KIAA0319: variants seen among roughly 807,000 people sequenced by gnomAD.
The protein encoded by KIAA0319 is dyslexia-associated protein KIAA0319.
KIAA0319 carries 83 observed loss-of-function variants against 108.4 expected under a neutral mutation model. That is an observed-to-expected ratio of 0.77 (90% CI 0.64 to 0.92). The LOEUF is 0.92. Among genes scored for constraint, KIAA0319 ranks in the 40% least tolerant of loss-of-function variants. The probability of loss-of-function intolerance (pLI) is 0.00; values close to 1 mark genes in which losing one functional copy is unlikely to be tolerated. For missense variants in KIAA0319, 1,195 were observed against 1,322.4 expected (o/e 0.90, Z 1.49); for synonymous variants, 484 against 510.4 (o/e 0.95, Z 0.70).
At chr6:24,590,767 C>T (rs1332962726) in intron 3 of KIAA0319, among the ~76,000 whole-genome samples, 1 of 152,192 alleles carries the variant, frequency 6.6e-6, no homozygotes, top group Non-Finnish European at 1.5e-5. Context: ...TTCACTTTTC[C>T]ACCATGCTGC....
intron 2 of KIAA0319, 101 bp downstream of exon 2, chr6:24,600,948 A>G (rs1582163283): frequency 2.0e-6 from 3 of 1,483,666 alleles, no homozygotes; most frequent in East Asian, 2.3e-5. Flanking sequence ...TCTATTGAAA[A>G]GCAAACCAAC....
At chr6:24,635,454 A>T (rs996953320) in intron 1 of KIAA0319, among the ~76,000 whole-genome samples, 6 of 151,822 alleles carry the variant, frequency 4.0e-5, no homozygotes, top group East Asian at 1.9e-4. Flanking sequence ...TTTTTTTTTT[A>T]TTTCAGCATA....
chr6:24,551,440 T>C lies in KIAA0319; in HGVS notation c.3034A>G (p.Lys1012Glu). The change falls in exon 20 of 21, where the codon AAA becomes GAA. Residue 1012 changes from lysine to glutamate, a missense_variant. Transcript: ENST00000378214. ...DEQERMELRP[K>E]YGIKHRSTEH... Reference sequence around the variant, plus strand: ...ATTCTGCAGACTGTCTTACCATATTTGGGCCTCAGTTCCATTCTTTCCTGT... The same window carrying C: ...ATTCTGCAGACTGTCTTACCATATTCGGGCCTCAGTTCCATTCTTTCCTGT... The C allele has an allele frequency of 3.1e-6, 5 of 1,607,132 alleles. No individual in the cohort carries two copies. The highest frequency in any genetic ancestry group is 4.3e-6 in the Non-Finnish European group (5 of 1,173,490).
At chr6:24,597,290 T>C (rs1465006955) in intron 2 of KIAA0319, among the ~76,000 whole-genome samples, 1 of 152,218 alleles carries the variant, frequency 6.6e-6, no homozygotes, top group Non-Finnish European at 1.5e-5. Flanking sequence ...GCTATTTTAA[T>C]GGTGGATAAA....
Position 24,564,261 on chromosome 6 carries a change from C to T in KIAA0319, c.2372G>A (p.Arg791Gln), listed in dbSNP as rs1032784188. Residue 791 changes from arginine (R) to glutamine (Q), a missense_variant, in exon 15 of 21, where the codon CGA (arginine) becomes CAA (glutamine). By Grantham distance (43) the Arg-to-Gln change is conservative. Transcript: ENST00000378214. ...LVEGVYTFHL[R>Q]VTDSQGASDT... Reference sequence around the variant, plus strand: ...CGAGGCCCCCTGACTGTCGGTGACTCGCAAGTGGAAAGTGTACACCCCCTC... The same window carrying T: ...CGAGGCCCCCTGACTGTCGGTGACTTGCAAGTGGAAAGTGTACACCCCCTC... 2.5e-6 allele frequency: 4 copies of T among 1,614,072 alleles called. No individual in the cohort carries two copies. Among genetic ancestry groups the T allele is most frequent in the African/African-American group, 1.3e-5 (1 of 75,008 alleles).
At chr6:24,558,363 A>C (rs1460433570) in intron 17 of KIAA0319, among the ~76,000 whole-genome samples, 1 of 95,872 alleles carries the variant, frequency 1.0e-5, no homozygotes, top group Admixed American at 1.1e-4. Context: ...ATATATATAT[A>C]TCTAGATAGA....
intron 2 of KIAA0319, chr6:24,600,630 C>T (rs1770481150): frequency 1.3e-6 from 2 of 1,527,262 alleles, no homozygotes; most frequent in Non-Finnish European, 1.8e-6. Context: ...TGGGCTCGGC[C>T]AGCCCAGTCT....
chr6:24,637,335 G>T (rs62402860), intron 1 of KIAA0319, among the ~76,000 whole-genome samples: 4,162 of 152,288 alleles, frequency 0.027, 68 homozygotes, highest in Non-Finnish European at 0.039. Flanking sequence ...AGCTTCACCC[G>T]AGAGCTCTGC....
chr6:24,640,558 C>G (rs1325251672), intron 1 of KIAA0319, among the ~76,000 whole-genome samples: 1 of 152,118 alleles, frequency 6.6e-6, no homozygotes, highest in Non-Finnish European at 1.5e-5. Context: ...ATTAAGAGAT[C>G]TGCGCTTTAT....
At chr6:24,609,908 CT>C (rs999449276) in intron 1 of KIAA0319, among the ~76,000 whole-genome samples, 23 of 152,096 alleles carry the variant, frequency 1.5e-4, no homozygotes, top group Admixed American at 9.8e-4. Flanking sequence ...AATTTTACCC[CT>C]ACCACACAAC....
At position 24,599,493 on chromosome 6, in the gene KIAA0319, A is replaced by T. The variant is rs563065454; in HGVS notation, c.55+1556T>A. 1.8e-6 allele frequency: 1 copy of T among 564,462 alleles called. No homozygotes were observed. Among genetic ancestry groups the T allele is most frequent in the Non-Finnish European group, 3.4e-6 (1 of 294,230 alleles). 35.0% of individuals were successfully genotyped at this position (564,462 alleles called of 1,614,324 possible). On this transcript the variant is annotated intron_variant, in intron 2 of 20. Coordinates refer to ENST00000378214, the MANE Select transcript of KIAA0319 (RefSeq NM_014809.4). The surrounding 1 kb of genome is among the most constrained non-coding windows in gnomAD (Gnocchi z 4.1). The stretch of plus-strand genomic sequence containing the variant: ...TGAGTACCAGGAGCTGATGATCATC[A>T]AGCCAACCCTGGACATCGAGATTGT...
rs548136836 is a variant in KIAA0319, at chr6:24,641,708, G to C, written c.-106+4028C>G. On this transcript the variant is annotated intron_variant, in intron 1 of 20. Coordinates refer to ENST00000378214, the MANE Select transcript of KIAA0319 (RefSeq NM_014809.4). ...CTCTTAAGCAATACAAATATACTGAGAGAGATGGTAAAAACAGTTTTCTTG... is the reference window on the plus strand; with the variant it reads ...CTCTTAAGCAATACAAATATACTGACAGAGATGGTAAAAACAGTTTTCTTG... Among the ~76,000 whole-genome samples, 126 of 152,210 alleles carry C rather than the reference G, an allele frequency of 8.3e-4. No individual in the cohort carries two copies. The Middle Eastern group carries it at 0.014, about 16-fold the overall frequency.
At chr6:24,554,267 A>G (rs1308933673) in intron 19 of KIAA0319, among the ~76,000 whole-genome samples, 3 of 152,190 alleles carry the variant, frequency 2.0e-5, no homozygotes, top group African/African-American at 7.2e-5. Context: ...GAGTGAGAAA[A>G]CAGTACCACT....
chr6:24,643,742 C>G (rs968668126), intron 1 of KIAA0319, among the ~76,000 whole-genome samples: 1 of 152,116 alleles, frequency 6.6e-6, no homozygotes, highest in Non-Finnish European at 1.5e-5. Context: ...AATAACAACA[C>G]TTATTGAAGC....
At chr6:24,595,805 C>T in intron 3 of KIAA0319, 68 bp downstream of exon 3, 1 of 1,502,504 alleles carries the variant, frequency 6.7e-7, no homozygotes, top group Non-Finnish European at 8.9e-7. Flanking sequence ...GCTCCTGAAA[C>T]TCAGCCCCTC....
At chr6:24,568,737 G>A (rs760245107) in intron 13 of KIAA0319, 44 bp downstream of exon 13, 22 of 1,583,614 alleles carry the variant, frequency 1.4e-5, no homozygotes, top group Middle Eastern at 2.1e-4. Flanking sequence ...CTGCAGACTC[G>A]AAAGCAGAGC....
intron 1 of KIAA0319, among the ~76,000 whole-genome samples, chr6:24,625,514 G>T (rs1774581117): frequency 1.3e-5 from 2 of 152,134 alleles, no homozygotes; most frequent in Admixed American, 1.3e-4. Context: ...CCTAAGATCA[G>T]GAAGAAGACA....
At chr6:24,607,624 T>C (rs1771618013) in intron 1 of KIAA0319, among the ~76,000 whole-genome samples, 1 of 152,190 alleles carries the variant, frequency 6.6e-6, no homozygotes, top group Admixed American at 6.5e-5. Flanking sequence ...TAACATATGC[T>C]TCCTTATAGA....
In KIAA0319 at chr6:24,564,266, G is replaced by A. The variant is rs780765884; in HGVS notation, c.2367C>T (p.His789=). The A allele has an allele frequency of 1.2e-5, 20 of 1,614,036 alleles. No homozygotes were observed. The South Asian group carries it at 2.0e-4, about 16-fold the overall frequency. ...TNLVEGVYTF[H]LRVTDSQGAS... ...CCCCCTGACTGTCGGTGACTCGCAAGTGGAAAGTGTACACCCCCTCCACCA... is the reference window on the plus strand; with the variant it reads ...CCCCCTGACTGTCGGTGACTCGCAAATGGAAAGTGTACACCCCCTCCACCA... The change falls in exon 15 of 21, where the codon CAC becomes CAT. Residue 789 remains histidine, a synonymous_variant. Transcript: ENST00000378214.
Sources: gnomAD v4.1 joint callset for allele counts (sites outside exome capture counted in the v4.1 genomes callset) on GRCh38, gnomAD v4.1.1 for gene constraint, Gnocchi (gnomAD v3.1) non-coding constraint, MANE v1.5 for transcripts, NCBI Gene and HGNC (gene_info 2026-07-23, HGNC 2026-07-21) for gene names.